NOXRED1: variants seen among roughly 807,000 people sequenced by gnomAD.
The protein encoded by NOXRED1 is NADP-dependent oxidoreductase domain-containing protein 1.
In NOXRED1, 20 loss-of-function variants were observed where a neutral mutation model predicts 30.4. That is an observed-to-expected ratio of 0.66 (90% confidence interval 0.46 to 0.96). NOXRED1 has a LOEUF of 0.96. NOXRED1 is among the 40% of genes least tolerant of loss of function. NOXRED1 has a pLI of 0.00. For synonymous variants in NOXRED1, 155 were observed against 168.0 expected (o/e 0.92, Z 0.60); for missense variants, 374 against 428.0 (o/e 0.87, Z 1.11).
intron 1 of NOXRED1, 36 bp from the exon 2 acceptor site, chr14:77,414,163 A>G (rs997025341): frequency 2.4e-6 from 3 of 1,272,780 alleles, no homozygotes; most frequent in Admixed American, 4.7e-5. Flanking sequence ...ACATAAATAC[A>G]TGCACACACT....
chr14:77,400,933 A>G (rs1894310666), intron 5 of NOXRED1, among the ~76,000 whole-genome samples: 4 of 152,344 alleles, frequency 2.6e-5, no homozygotes, highest in Middle Eastern at 6.8e-3. Flanking sequence ...TCTAAAAACA[A>G]CAAAATAAAT....
intron 2 of NOXRED1, among the ~76,000 whole-genome samples, chr14:77,408,892 A>ATTTTTGTTTTTTTTTT (rs1894556532): frequency 1.5e-5 from 1 of 68,154 alleles, no homozygotes; most frequent in African/African-American, 5.1e-5. Context: ...CTGGTAGTTA[A>ATTTTTGTTTTTTTTTT]TTTTTTTTTT....
chr14:77,414,324 T>A (rs1186818807), intron 1 of NOXRED1, among the ~76,000 whole-genome samples, 197 bp from the exon 2 acceptor site: 1 of 151,878 alleles, frequency 6.6e-6, no homozygotes, highest in Admixed American at 6.6e-5. Context: ...GGACTACAGG[T>A]GCCTGCCACC....
At chr14:77,421,946 T>C (rs1223439636) in intron 1 of NOXRED1, among the ~76,000 whole-genome samples, 4 of 151,954 alleles carry the variant, frequency 2.6e-5, no homozygotes, top group Non-Finnish European at 5.9e-5. Context: ...CCCAGTCATA[T>C]TGAGTACCAC....
At chr14:77,420,918 G>T (rs1894977776) in intron 1 of NOXRED1, among the ~76,000 whole-genome samples, 1 of 152,152 alleles carries the variant, frequency 6.6e-6, no homozygotes. Flanking sequence ...TGCAGGGGCT[G>T]ATAATCTTTT....
At chr14:77,408,157 C>T (rs151048127) in intron 2 of NOXRED1, among the ~76,000 whole-genome samples, 4,154 of 152,124 alleles carry the variant, frequency 0.027, 193 homozygotes, top group African/African-American at 0.095. Context: ...CGTGAGCCAC[C>T]ACGCCTGGCC....
intron 3 of NOXRED1, among the ~76,000 whole-genome samples, chr14:77,407,238 C>A (rs1894492964): frequency 6.6e-6 from 1 of 152,196 alleles, no homozygotes; most frequent in Non-Finnish European, 1.5e-5. Flanking sequence ...CAATTTTAAA[C>A]CTTTGTACAG....
chr14:77,405,622 C>A (rs890797664), intron 5 of NOXRED1, among the ~76,000 whole-genome samples: 1 of 152,078 alleles, frequency 6.6e-6, no homozygotes, highest in East Asian at 1.9e-4. Context: ...ATATATAGTT[C>A]CCATGTGTCT....
At chr14:77,401,024 G>A (rs921447978) in intron 5 of NOXRED1, among the ~76,000 whole-genome samples, 2 of 152,152 alleles carry the variant, frequency 1.3e-5, no homozygotes, top group Admixed American at 6.5e-5. Context: ...CACATTCAAC[G>A]CAATGCCAAT....
chr14:77,410,258 C>A (rs1414174047), intron 2 of NOXRED1, among the ~76,000 whole-genome samples: 1 of 151,942 alleles, frequency 6.6e-6, no homozygotes, highest in African/African-American at 2.4e-5. Flanking sequence ...TAGAGTGACA[C>A]CCTGTCTCTA....
intron 1 of NOXRED1, among the ~76,000 whole-genome samples, chr14:77,416,747 C>T: frequency 6.6e-6 from 1 of 152,096 alleles, no homozygotes. Flanking sequence ...GGTGGCTGGG[C>T]AGAGGGGCTC....
intron 1 of NOXRED1, among the ~76,000 whole-genome samples, chr14:77,420,839 T>C (rs920873636): frequency 6.6e-6 from 1 of 152,184 alleles, no homozygotes; most frequent in Non-Finnish European, 1.5e-5. Context: ...TGTCAAATCT[T>C]TCCAGGAATG....
Position 77,414,061 on chromosome 14 carries a change from A to G in NOXRED1, c.222T>C (p.Pro74=). 1.2e-6 allele frequency: 2 copies of G among 1,610,820 alleles called. No homozygotes were observed. Among genetic ancestry groups the G allele is most frequent in the African/African-American group, 2.7e-5 (2 of 75,008 alleles). The change falls in exon 2 of 6, where the codon CCT becomes CCC. Residue 74 remains proline (P), a synonymous_variant. Coordinates refer to ENST00000380835, the MANE Select transcript of NOXRED1 (RefSeq NM_001113475.3). ...CAATGATGCCCACCTTAAACTCTTCAGGAGTGGCTGAATTAAGGGAGCCAA... is the reference window on the plus strand; with the variant it reads ...CAATGATGCCCACCTTAAACTCTTCGGGAGTGGCTGAATTAAGGGAGCCAA... ...LSIGSLNSAT[P]EEFKVGIIGG...
intron 2 of NOXRED1, among the ~76,000 whole-genome samples, chr14:77,409,884 T>A (rs1453740932): frequency 2.6e-5 from 4 of 151,780 alleles, no homozygotes. Context: ...TTTGGCTCAC[T>A]GCAACTTCTG....
intron 5 of NOXRED1, among the ~76,000 whole-genome samples, chr14:77,404,286 C>A (rs751565069): frequency 6.6e-6 from 1 of 152,108 alleles, no homozygotes; most frequent in Non-Finnish European, 1.5e-5. Flanking sequence ...CCAAACCAAA[C>A]GTGAATCACA....
At chr14:77,407,740 G>T in intron 2 of NOXRED1, 95 bp from the exon 3 acceptor site, 1 of 827,072 alleles carries the variant, frequency 1.2e-6, no homozygotes, top group Non-Finnish European at 2.0e-6. Flanking sequence ...TTTTAGCTCA[G>T]TAAATCAACC....
intron 2 of NOXRED1, among the ~76,000 whole-genome samples, chr14:77,413,608 G>C (rs1253756180): frequency 6.6e-6 from 1 of 152,100 alleles, no homozygotes; most frequent in African/African-American, 2.4e-5. Flanking sequence ...GCCTGGAACT[G>C]TTTAACACCC....
chr14:77,413,526 C>T (rs922172600), intron 2 of NOXRED1, among the ~76,000 whole-genome samples: 2 of 152,050 alleles, frequency 1.3e-5, no homozygotes, highest in Non-Finnish European at 2.9e-5. Flanking sequence ...CGTGAGCCAC[C>T]GCGCCCGACC....
rs1253283584 is a variant in NOXRED1 at position 77,406,032 on chromosome 14, CAG to C, written c.784_785del (p.Leu262GlufsTer2). On this transcript the variant is annotated frameshift_variant, in exon 5 of 6. Coordinates refer to ENST00000380835, the MANE Select transcript of NOXRED1 (RefSeq NM_001113475.3). LOFTEE classifies it high-confidence loss of function. Reference sequence around the variant, plus strand: ...AGTGCACGGAGAGAAAGAGTTCACTCAGAAGCTGCAGCACTTGGGAGTGGGCC... The same window carrying C: ...AGTGCACGGAGAGAAAGAGTTCACTCAAGCTGCAGCACTTGGGAGTGGGCC... The part of the protein sequence containing the change: ...NMAHSQVLQL[L>X]SELFLSVHFE... 7 of 1,613,642 alleles carry C rather than the reference CAG, an allele frequency of 4.3e-6. No homozygotes were observed. The highest frequency in any genetic ancestry group is 4.0e-5 in the African/African-American group (3 of 74,924).
Sources: allele counts gnomAD v4.1 joint callset (sites outside exome capture counted in the v4.1 genomes callset), GRCh38; gene constraint gnomAD v4.1.1; transcripts MANE v1.5; gene names NCBI Gene and HGNC (gene_info 2026-07-23, HGNC 2026-07-21).